DOCK1: variants seen among roughly 807,000 people sequenced by gnomAD.
DOCK1 encodes the protein dedicator of cytokinesis 1, also known as dedicator of cytokinesis protein 1.
In DOCK1, 138 loss-of-function variants were observed where a neutral mutation model predicts 262.7. The observed-to-expected ratio is 0.53, with a 90% CI of 0.46 to 0.61. DOCK1 has a LOEUF of 0.61. DOCK1 is among the 20% of genes least tolerant of loss of function. DOCK1 has a pLI of 0.00. For synonymous variants in DOCK1, 866 were observed against 867.4 expected, an observed-to-expected ratio of 1.00 and a Z score of 0.03; for missense variants, 1,908 against 2,370.7, an observed-to-expected ratio of 0.80 and a Z score of 4.05.
intron 23 of DOCK1, among the ~76,000 whole-genome samples, chr10:127,076,629 G>C (rs992425316): frequency 1.3e-5 from 2 of 152,200 alleles, no homozygotes; most frequent in Non-Finnish European, 1.5e-5. Context: ...AGCATATGCA[G>C]CTGCATCCCC....
At chr10:127,122,977 A>G (rs1388821251) in intron 25 of DOCK1, among the ~76,000 whole-genome samples, 3 of 152,188 alleles carry the variant, frequency 2.0e-5, no homozygotes, top group Non-Finnish European at 2.9e-5. Flanking sequence ...GCGGTGAGGG[A>G]TGAATTTAGG....
Position 127,042,278 on chromosome 10 carries a change from G to A in DOCK1, c.2011-347G>A, listed in dbSNP as rs74161530. Among the ~76,000 whole-genome samples, 1,174 of 152,274 alleles carry A rather than the reference G, an allele frequency of 7.7e-3. 21 individuals carry two copies. The highest frequency in any genetic ancestry group is 0.026 in the African/African-American group (1,093 of 41,546). On this transcript the variant is annotated intron_variant, in intron 19 of 51. Coordinates refer to ENST00000623213, the MANE Select transcript of DOCK1 (RefSeq NM_001290223.2). ...CACTAGCTGAAGTCCTGTACCCAGT[G>A]TGTAGAATGAGTGAGATGCATCTTC... is the stretch of plus-strand genomic sequence containing the variant.
intron 24 of DOCK1, among the ~76,000 whole-genome samples, chr10:127,108,249 G>C (rs2048656128): frequency 6.6e-6 from 1 of 152,184 alleles, no homozygotes; most frequent in South Asian, 2.1e-4. Flanking sequence ...GAATCAGAAA[G>C]TGCTGGATCC....
rs936043115 is a variant in DOCK1 at position 126,937,181 on chromosome 10, G to T, written c.46+31618G>T. ...ATGTCGTAATTTCCTTTCTTTGTAAGGCTGAATAATATTCCATTGTTTGTA... is the reference window on the plus strand; with the variant it reads ...ATGTCGTAATTTCCTTTCTTTGTAATGCTGAATAATATTCCATTGTTTGTA... On this transcript the variant is annotated intron_variant, in intron 1 of 51. Coordinates refer to ENST00000623213, the MANE Select transcript of DOCK1 (RefSeq NM_001290223.2). Among the ~76,000 whole-genome samples, 3 of 152,128 alleles carry T rather than the reference G, an allele frequency of 2.0e-5. No individual in the cohort carries two copies. The East Asian group carries it at 5.8e-4, about 29-fold the overall frequency.
intron 1 of DOCK1, among the ~76,000 whole-genome samples, chr10:126,919,989 A>AG (rs1220334776): frequency 6.6e-6 from 1 of 152,164 alleles, no homozygotes; most frequent in Non-Finnish European, 1.5e-5. Context: ...TCCAGGACTA[A>AG]GGCAGTGTCG....
At chr10:127,126,003 G>C (rs1345583318) in intron 26 of DOCK1, among the ~76,000 whole-genome samples, 1 of 151,496 alleles carries the variant, frequency 6.6e-6, no homozygotes, top group African/African-American at 2.4e-5. Flanking sequence ...TGAGGGAGTC[G>C]TAAGGAGAAG....
intron 48 of DOCK1, 60 bp from the exon 49 acceptor site, chr10:127,438,967 G>C (rs371462610): frequency 2.7e-4 from 392 of 1,466,016 alleles, no homozygotes; most frequent in Non-Finnish European, 3.3e-4. Context: ...GACTTTACAC[G>C]TGTCTGTGGG....
chr10:126,973,872 G>T (rs987096680), intron 2 of DOCK1, among the ~76,000 whole-genome samples: 10 of 152,028 alleles, frequency 6.6e-5, no homozygotes, highest in African/African-American at 2.4e-4. Flanking sequence ...GGTTTAGCAA[G>T]TTTGATTTTC....
intron 27 of DOCK1, among the ~76,000 whole-genome samples, chr10:127,170,863 A>C (rs2054508117): frequency 6.6e-6 from 1 of 152,218 alleles, no homozygotes; most frequent in African/African-American, 2.4e-5. Flanking sequence ...AAGCAGGATA[A>C]TTCTTGGCAT....
chr10:127,374,520 T>TA (rs1273877541), intron 35 of DOCK1, among the ~76,000 whole-genome samples: 3 of 152,144 alleles, frequency 2.0e-5, no homozygotes, highest in Admixed American at 2.0e-4. Flanking sequence ...GCTTTGTGAT[T>TA]AGGAGACCAT....
chr10:127,131,311 G>C (rs1484422225), intron 27 of DOCK1, among the ~76,000 whole-genome samples: 2 of 152,154 alleles, frequency 1.3e-5, no homozygotes, highest in Non-Finnish European at 2.9e-5. Flanking sequence ...CTCAAAGTGG[G>C]AAGAGGAGAG....
At chr10:127,281,015 A>G (rs1246518106) in intron 29 of DOCK1, among the ~76,000 whole-genome samples, 1 of 152,216 alleles carries the variant, frequency 6.6e-6, no homozygotes, top group Non-Finnish European at 1.5e-5. Context: ...CATATTTAAT[A>G]TATTTCCATT....
At chr10:127,069,013 A>C (rs1457711198) in intron 23 of DOCK1, among the ~76,000 whole-genome samples, 1 of 152,226 alleles carries the variant, frequency 6.6e-6, no homozygotes, top group Non-Finnish European at 1.5e-5. Flanking sequence ...TGTCTATGGC[A>C]AAGGCCTTGC....
chr10:127,450,258 C>T (rs1023884586), intron 51 of DOCK1, among the ~76,000 whole-genome samples: 4 of 152,266 alleles, frequency 2.6e-5, no homozygotes, highest in East Asian at 1.9e-4. Flanking sequence ...GAAATCTGGG[C>T]GATGAGTGAG....
At chr10:127,090,382 A>G (rs2047446291) in intron 23 of DOCK1, among the ~76,000 whole-genome samples, 2 of 152,098 alleles carry the variant, frequency 1.3e-5, no homozygotes, top group South Asian at 4.1e-4. Flanking sequence ...AGTGTGAGTG[A>G]CAGACGGTGA....
chr10:127,168,951 G>A (rs1254346699), intron 27 of DOCK1, among the ~76,000 whole-genome samples: 1 of 152,176 alleles, frequency 6.6e-6, no homozygotes, highest in Non-Finnish European at 1.5e-5. Flanking sequence ...CAAATTCAGA[G>A]ATTTCTTATC....
intron 28 of DOCK1, among the ~76,000 whole-genome samples, chr10:127,253,691 T>C (rs2059731799): frequency 6.6e-6 from 1 of 151,868 alleles, no homozygotes; most frequent in South Asian, 2.1e-4. Flanking sequence ...CTGTGCCACA[T>C]AGTGAGACCC....
chr10:127,409,697 G>A (rs1590937028), intron 42 of DOCK1, among the ~76,000 whole-genome samples: 1 of 152,052 alleles, frequency 6.6e-6, no homozygotes. Flanking sequence ...GCCCTGTGGG[G>A]TACAATCCCC....
At chr10:126,985,014 T>C (rs1164257398) in intron 4 of DOCK1, among the ~76,000 whole-genome samples, 2 of 146,972 alleles carry the variant, frequency 1.4e-5, no homozygotes, top group Non-Finnish European at 3.0e-5. Context: ...GAAGTCTTGC[T>C]CTGTCGCCCA....
Sources: allele counts gnomAD v4.1 joint callset (sites outside exome capture counted in the v4.1 genomes callset), GRCh38; gene constraint gnomAD v4.1.1; transcripts MANE v1.5; gene names NCBI Gene and HGNC (gene_info 2026-07-23, HGNC 2026-07-21).